KCNQ5: variants seen among roughly 807,000 people sequenced by gnomAD.
KCNQ5 encodes potassium voltage-gated channel subfamily KQT member 5.
Under a neutral mutation model 98.2 loss-of-function variants are expected in KCNQ5, and 30 were observed. The ratio of observed to expected loss-of-function variants is 0.31; its 90% CI spans 0.23 to 0.41. KCNQ5 has a LOEUF of 0.41. Among genes scored for constraint, KCNQ5 ranks in the 10% least tolerant of loss-of-function variants. The pLI, the probability that KCNQ5 is intolerant of heterozygous loss-of-function variation, is 1.00. For missense variants in KCNQ5, 835 were observed against 1,182.5 expected (o/e 0.71, Z 4.31); for synonymous variants, 458 against 449.4 (o/e 1.02, Z -0.24).
chr6:72,950,321 G>A (rs1372790569), intron 1 of KCNQ5, among the ~76,000 whole-genome samples: 1 of 152,128 alleles, frequency 6.6e-6, no homozygotes, highest in Non-Finnish European at 1.5e-5. Context: ...TGTCACCCAG[G>A]GTTTCATCAT....
intron 1 of KCNQ5, among the ~76,000 whole-genome samples, chr6:72,623,792 A>G (rs868706972): frequency 6.6e-6 from 1 of 152,212 alleles, no homozygotes; most frequent in South Asian, 2.1e-4. Context: ...TCCTAGTAAA[A>G]TAAGTTTTGA....
chr6:72,839,705 G>A (rs952410220), intron 1 of KCNQ5, among the ~76,000 whole-genome samples: 1 of 151,840 alleles, frequency 6.6e-6, no homozygotes, highest in Non-Finnish European at 1.5e-5. Context: ...TATTTTTATG[G>A]GGTACAACAT....
At chr6:73,179,251 T>C (rs1319686681) in intron 11 of KCNQ5, among the ~76,000 whole-genome samples, 1 of 151,996 alleles carries the variant, frequency 6.6e-6, no homozygotes, top group Non-Finnish European at 1.5e-5. Context: ...GGTGGGCAGG[T>C]GTATCTGGTG....
At chr6:72,789,660 G>A (rs1156268979) in intron 1 of KCNQ5, among the ~76,000 whole-genome samples, 2 of 152,128 alleles carry the variant, frequency 1.3e-5, no homozygotes, top group Non-Finnish European at 2.9e-5. Flanking sequence ...TTGTGAGGTA[G>A]ACATTATCAT....
At chr6:73,048,460 T>G (rs1772069987) in intron 3 of KCNQ5, among the ~76,000 whole-genome samples, 1 of 152,160 alleles carries the variant, frequency 6.6e-6, no homozygotes, top group South Asian at 2.1e-4. Flanking sequence ...GAAGGCCATG[T>G]AGCCTCTGCT....
chr6:72,658,578 A>ATATATATATATATATATATATTTTTTT (rs1226386362), intron 1 of KCNQ5, among the ~76,000 whole-genome samples: 1 of 76,380 alleles, frequency 1.3e-5, no homozygotes, highest in Non-Finnish European at 2.8e-5. Flanking sequence ...ATATATATAT[A>ATATATATATATATATATATATTTTTTT]TTTTTTTTTT....
intron 1 of KCNQ5, among the ~76,000 whole-genome samples, chr6:72,698,228 G>A (rs1768602486): frequency 6.6e-6 from 1 of 151,946 alleles, no homozygotes; most frequent in African/African-American, 2.4e-5. Flanking sequence ...TTGAGACAGA[G>A]TTTCACTCTT....
intron 1 of KCNQ5, among the ~76,000 whole-genome samples, chr6:72,933,860 C>A (rs1199841964): frequency 6.6e-6 from 1 of 152,064 alleles, no homozygotes; most frequent in Non-Finnish European, 1.5e-5. Context: ...GATAATTATT[C>A]TAGTTTTAGG....
intron 2 of KCNQ5, among the ~76,000 whole-genome samples, chr6:73,014,537 T>A (rs1007786459): frequency 6.6e-6 from 1 of 152,092 alleles, no homozygotes; most frequent in African/African-American, 2.4e-5. Flanking sequence ...AACATCCAGA[T>A]GTTTGACAGC....
At chr6:73,095,546 G>A (rs553896634) in intron 5 of KCNQ5, among the ~76,000 whole-genome samples, 1 of 152,248 alleles carries the variant, frequency 6.6e-6, no homozygotes, top group South Asian at 2.1e-4. Flanking sequence ...TCTTATTTGG[G>A]TAGGCTCTGT....
chr6:72,736,568 C>T (rs1770852591), intron 1 of KCNQ5, among the ~76,000 whole-genome samples: 1 of 132,408 alleles, frequency 7.6e-6, no homozygotes, highest in Non-Finnish European at 1.5e-5. Context: ...GGCGGGATCT[C>T]GGCTCACTGC....
intron 1 of KCNQ5, among the ~76,000 whole-genome samples, chr6:72,827,549 A>G (rs1057293049): frequency 1.3e-5 from 2 of 152,088 alleles, no homozygotes; most frequent in Non-Finnish European, 2.9e-5. Flanking sequence ...GTCTGTTCAG[A>G]TAATTTGACC....
At chr6:72,795,949 C>G (rs1774312475) in intron 1 of KCNQ5, among the ~76,000 whole-genome samples, 1 of 151,928 alleles carries the variant, frequency 6.6e-6, no homozygotes, top group Non-Finnish European at 1.5e-5. Flanking sequence ...ACTGGTGTGC[C>G]CTGTTTACTA....
intron 1 of KCNQ5, among the ~76,000 whole-genome samples, chr6:72,780,404 A>T (rs1024191348): frequency 6.6e-6 from 1 of 152,246 alleles, no homozygotes; most frequent in Non-Finnish European, 1.5e-5. Flanking sequence ...AGGTATTGAT[A>T]TGCTCCAAGA....
At chr6:72,966,519 G>T (rs1179634700) in intron 1 of KCNQ5, among the ~76,000 whole-genome samples, 1 of 151,962 alleles carries the variant, frequency 6.6e-6, no homozygotes, top group East Asian at 1.9e-4. Flanking sequence ...AGTGAGGCAA[G>T]ATCACCACAC....
Position 73,139,022 on chromosome 6 carries a change from G to A in KCNQ5, c.1468+5381G>A, listed in dbSNP as rs369914389. 2.6e-5 allele frequency among the ~76,000 whole-genome samples: 4 copies of A among 152,212 alleles called. No individual in the cohort carries two copies. In the East Asian group the frequency reaches 5.8e-4, roughly 22 times the overall value. On this transcript the variant is annotated intron_variant, in intron 10 of 13. Coordinates refer to ENST00000370398, the MANE Select transcript of KCNQ5 (RefSeq NM_019842.4). ...CAGAGATAAGACAGCTCTCCACAGA[G>A]CCTCAGGGCTCTGGCTTCATTTCTC...
chr6:73,021,822 A>C (rs1399388249), intron 2 of KCNQ5, among the ~76,000 whole-genome samples: 1 of 152,208 alleles, frequency 6.6e-6, no homozygotes, highest in Non-Finnish European at 1.5e-5. Context: ...AGATCTATAA[A>C]GGCAACTGTA....
chr6:72,770,149 T>C (rs1772787924), intron 1 of KCNQ5, among the ~76,000 whole-genome samples: 1 of 152,182 alleles, frequency 6.6e-6, no homozygotes, highest in African/African-American at 2.4e-5. Context: ...GACTGAAATT[T>C]ATTTTAGGGA....
chr6:73,002,028 TG>T lies in KCNQ5; in HGVS notation c.399-1877del, dbSNP rs1274608488. Among the ~76,000 whole-genome samples, 3 of 151,846 alleles carry T rather than the reference TG, an allele frequency of 2.0e-5. No individual in the cohort carries two copies. The East Asian group carries it at 5.8e-4, about 30-fold the overall frequency. ...AGTCCCAGCTCTCAGGAGGCTGAGG[TG>T]GGAGGATAGCTTGAACCCTAGGAGT... On this transcript the variant is annotated intron_variant, in intron 1 of 13. Transcript: ENST00000370398.
Sources: gnomAD v4.1 joint callset for allele counts (sites outside exome capture counted in the v4.1 genomes callset) on GRCh38, gnomAD v4.1.1 for gene constraint, MANE v1.5 for transcripts, NCBI Gene and HGNC (gene_info 2026-07-23, HGNC 2026-07-21) for gene names.